Variants in ZNF678 observed in about 807,000 individuals in gnomAD.
ZNF678 encodes zinc finger protein 678, also known as hypothetical protein MGC42493.
Under a neutral mutation model 3.0 loss-of-function variants are expected in ZNF678, and 5 were observed. The observed-to-expected ratio is 1.69, with a 90% confidence interval of 0.88 to 3.56. ZNF678 has a LOEUF of 3.56. Among genes scored for constraint, ZNF678 ranks in the 30% most tolerant of loss-of-function variants. ZNF678 has a pLI of 0.00. For synonymous variants in ZNF678, 218 were observed against 199.6 expected (o/e 1.09, Z -0.78); for missense variants, 593 against 605.0 (o/e 0.98, Z 0.21).
Position 227,654,448 on chromosome 1 carries a change from A to G in ZNF678, c.198A>G (p.Leu66=), listed in dbSNP as rs746324832. The G allele has an allele frequency of 1.9e-6, 3 of 1,613,182 alleles. No homozygotes were observed. The highest frequency in any genetic ancestry group is 4.5e-5 in the East Asian group (2 of 44,856). ...GCTGGGGCCTTGACAATTTGCACTT[A>G]GTGAAAGACTGGAGAACTGTGAATG... is the stretch of plus-strand genomic sequence containing the variant. ...HRSWGLDNLH[L]VKDWRTVNEG... is the part of the protein sequence containing the mutation. The change falls in exon 4 of 4, where the codon TTA becomes TTG. Residue 66 remains leucine, a synonymous_variant. Transcript: ENST00000343776.
chr1:227,603,985 A>G (rs1657801469), intron 1 of ZNF678, among the ~76,000 whole-genome samples: 2 of 152,214 alleles, frequency 1.3e-5, no homozygotes, highest in Admixed American at 1.3e-4. Context: ...TTTGAGGTTC[A>G]TATCTGTTGT....
At chr1:227,610,673 C>A (rs1335869798) in intron 1 of ZNF678, among the ~76,000 whole-genome samples, 1 of 152,144 alleles carries the variant, frequency 6.6e-6, no homozygotes, top group East Asian at 1.9e-4. Flanking sequence ...CATTCTGGTG[C>A]CTTGGATCCC....
chr1:227,628,258 C>G (rs945471747), intron 1 of ZNF678, among the ~76,000 whole-genome samples: 1 of 152,330 alleles, frequency 6.6e-6, no homozygotes, highest in African/African-American at 2.4e-5. Flanking sequence ...AAGCTGGTCC[C>G]TCGGACCTGT....
At chr1:227,592,999 T>C (rs1438056425) in intron 1 of ZNF678, among the ~76,000 whole-genome samples, 5 of 152,244 alleles carry the variant, frequency 3.3e-5, no homozygotes, top group Non-Finnish European at 5.9e-5. Context: ...TGGTAAGTTT[T>C]CTCCTTGTCG....
intron 2 of ZNF678, among the ~76,000 whole-genome samples, chr1:227,647,365 T>A (rs997969435): frequency 2.6e-5 from 4 of 152,142 alleles, no homozygotes; most frequent in African/African-American, 4.8e-5. Flanking sequence ...CTTCTAAAAA[T>A]TTTTTTTCCT....
intron 1 of ZNF678, among the ~76,000 whole-genome samples, chr1:227,610,708 T>C (rs1190543809): frequency 6.6e-6 from 1 of 152,190 alleles, no homozygotes; most frequent in Non-Finnish European, 1.5e-5. Flanking sequence ...CCAAGTCTTT[T>C]GTACTGATGA....
At position 227,563,833 on chromosome 1, in the gene ZNF678, TGGGTAGGGGCGGGGCCA is replaced by T. The variant is rs1656596797; in HGVS notation, c.-164+112_-164+128del. On this transcript the variant is annotated intron_variant, in intron 1 of 3. Coordinates refer to ENST00000343776, the MANE Select transcript of ZNF678 (RefSeq NM_001367909.1). The stretch of plus-strand genomic sequence containing the variant: ...TGGCACCTGTGGGATCTGTCACCTC[TGGGTAGGGGCGGGGCCA>T]GGCCGCCGCGGGATTCTCCTCCCAT... 3.7e-6 allele frequency: 4 copies of T among 1,085,140 alleles called. No individual in the cohort carries two copies. The Admixed American group carries it at 9.3e-5, about 25-fold the overall frequency. 67.2% of individuals were successfully genotyped at this position (1,085,140 alleles called of 1,614,324 possible).
At chr1:227,593,976 G>A (rs1004457161) in intron 1 of ZNF678, among the ~76,000 whole-genome samples, 45 of 151,238 alleles carry the variant, frequency 3.0e-4, no homozygotes, top group African/African-American at 9.5e-4. Flanking sequence ...TGATGAGAAC[G>A]TGATCTTCAA....
chr1:227,603,003 T>TA (rs1657773635), intron 1 of ZNF678, among the ~76,000 whole-genome samples: 1 of 152,182 alleles, frequency 6.6e-6, no homozygotes, highest in Admixed American at 6.5e-5. Flanking sequence ...CAAGATCTCC[T>TA]GGAGGGGAGG....
chr1:227,597,343 C>T (rs568917028), intron 1 of ZNF678, among the ~76,000 whole-genome samples: 5 of 152,228 alleles, frequency 3.3e-5, no homozygotes, highest in African/African-American at 4.8e-5. Context: ...AACCTTCCAG[C>T]GTGGGCGTCA....
chr1:227,629,096 T>C (rs919194234), intron 1 of ZNF678, among the ~76,000 whole-genome samples: 1 of 152,300 alleles, frequency 6.6e-6, no homozygotes, highest in African/African-American at 2.4e-5. Context: ...TTTCTGTACA[T>C]TGGAGTATTG....
intron 1 of ZNF678, among the ~76,000 whole-genome samples, chr1:227,613,923 T>C (rs751406603): frequency 4.5e-4 from 69 of 152,248 alleles, no homozygotes; most frequent in Admixed American, 1.0e-3. Context: ...AGAATAGGAC[T>C]CTGCTCATCC....
chr1:227,679,267 C>T (rs1294093012), downstream of ZNF678, among the ~76,000 whole-genome samples: 1 of 151,958 alleles, frequency 6.6e-6, no homozygotes, highest in African/African-American at 2.4e-5. Context: ...AGAGACCACC[C>T]CTCATATTGT....
At chr1:227,651,957 C>T (rs1659101994) in intron 3 of ZNF678, among the ~76,000 whole-genome samples, 1 of 152,170 alleles carries the variant, frequency 6.6e-6, no homozygotes, top group Admixed American at 6.6e-5. Context: ...CCTCCTGTTC[C>T]AACAACTTGC....
In ZNF678 at chr1:227,565,054, C is replaced by CTT. The variant is rs56226010; in HGVS notation, c.-164+1355_-164+1356dup. Reference sequence around the variant, plus strand: ...GGCCTGTTGTTTTTTCCCTACCCGGCTTTTTTTTTTTTTTTTTTTTTTTTT... The same window carrying CTT: ...GGCCTGTTGTTTTTTCCCTACCCGGCTTTTTTTTTTTTTTTTTTTTTTTTTTT... On this transcript the variant is annotated intron_variant, in intron 1 of 3. Transcript: ENST00000343776. Among the ~76,000 whole-genome samples, 58 of 32,732 alleles carry CTT rather than the reference C, an allele frequency of 1.8e-3. 3 individuals are homozygous for CTT. Among genetic ancestry groups the CTT allele is most frequent in the African/African-American group, 5.8e-3 (49 of 8,494 alleles). The allele number at this position is 32,732 out of a possible 152,430, so 21.5% of individuals were successfully genotyped here. A position where few individuals can be genotyped will look rare whatever the true frequency, so the allele number is the denominator to read the frequency against.
chr1:227,615,303 GT>G (rs1207116101), intron 1 of ZNF678, among the ~76,000 whole-genome samples: 1 of 152,190 alleles, frequency 6.6e-6, no homozygotes, highest in Non-Finnish European at 1.5e-5. Context: ...GTCATGTTTA[GT>G]TTAACAGTTT....
chr1:227,579,313 G>T (rs151246403), intron 1 of ZNF678, among the ~76,000 whole-genome samples: 1 of 152,130 alleles, frequency 6.6e-6, no homozygotes, highest in African/African-American at 2.4e-5. Flanking sequence ...TGCTAGTGGT[G>T]CAGGTCTGGG....
intron 1 of ZNF678, among the ~76,000 whole-genome samples, chr1:227,574,296 A>G (rs1423790388): frequency 1.3e-5 from 2 of 152,230 alleles, no homozygotes; most frequent in Non-Finnish European, 2.9e-5. Flanking sequence ...CCAACAGTGT[A>G]TAAGGATCTT....
chr1:227,563,992 C>T (rs570796507), intron 1 of ZNF678, among the ~76,000 whole-genome samples: 1 of 152,200 alleles, frequency 6.6e-6, no homozygotes. Context: ...GAAGCCAAAT[C>T]GGTGTGCGAA....
Sources: gnomAD v4.1 joint callset for allele counts (sites outside exome capture counted in the v4.1 genomes callset) on GRCh38, gnomAD v4.1.1 for gene constraint, MANE v1.5 for transcripts, NCBI Gene and HGNC (gene_info 2026-07-23, HGNC 2026-07-21) for gene names.